The following CNBD1 variants were observed in gnomAD, a reference collection of about 807,000 sequenced individuals.
CNBD1 encodes cyclic nucleotide-binding domain-containing protein 1.
In CNBD1, 71 loss-of-function variants were observed where a neutral mutation model predicts 54.4. The observed-to-expected ratio is 1.30, with a 90% CI of 1.08 to 1.59. The LOEUF is 1.59. Among genes scored for constraint, CNBD1 ranks in the 40% most tolerant of loss-of-function variants. The pLI is 0.00. For synonymous variants in CNBD1, 182 were observed against 170.7 expected (o/e 1.07, Z -0.51); for missense variants, 659 against 518.0 (o/e 1.27, Z -2.64).
chr8:87,387,134 C>A (rs191926509), downstream of CNBD1, among the ~76,000 whole-genome samples: 2 of 152,152 alleles, frequency 1.3e-5, no homozygotes, highest in African/African-American at 4.8e-5. Flanking sequence ...ACAACCGGTA[C>A]CAGCCACTGC....
chr8:87,306,790 G>T (rs1208184975), intron 8 of CNBD1, among the ~76,000 whole-genome samples: 1 of 152,050 alleles, frequency 6.6e-6, no homozygotes, highest in Non-Finnish European at 1.5e-5. Context: ...AGGGATAGAA[G>T]ACTATAAATA....
chr8:86,961,128 C>T (rs1171782351), intron 4 of CNBD1, among the ~76,000 whole-genome samples: 2 of 152,076 alleles, frequency 1.3e-5, no homozygotes, highest in African/African-American at 4.8e-5. Flanking sequence ...TAACATATGA[C>T]AGTAAGTGTA....
At chr8:86,911,089 C>G (rs1230559830) in intron 3 of CNBD1, among the ~76,000 whole-genome samples, 1 of 152,210 alleles carries the variant, frequency 6.6e-6, no homozygotes, top group Non-Finnish European at 1.5e-5. Flanking sequence ...GCCTGCTTTT[C>G]TACTGTACAT....
At chr8:87,126,745 A>G (rs1396791837) in intron 4 of CNBD1, among the ~76,000 whole-genome samples, 3 of 151,922 alleles carry the variant, frequency 2.0e-5, no homozygotes, top group Non-Finnish European at 4.4e-5. Context: ...TCTCCAATGT[A>G]TTATTCTAGA....
intron 4 of CNBD1, among the ~76,000 whole-genome samples, chr8:86,989,150 T>TA (rs1164922547): frequency 6.6e-6 from 1 of 151,946 alleles, no homozygotes; most frequent in African/African-American, 2.4e-5. Context: ...CGTGTGCCTG[T>TA]AGTGCCAACT....
intron 1 of CNBD1, among the ~76,000 whole-genome samples, chr8:86,867,065 T>G (rs1808375795): frequency 1.3e-5 from 2 of 152,224 alleles, no homozygotes; most frequent in South Asian, 2.1e-4. Flanking sequence ...TTATTCCTAT[T>G]TAACTTTTTT....
At chr8:87,422,168 G>T (rs1373169339) in intron 2 of CNBD1, among the ~76,000 whole-genome samples, 2 of 146,392 alleles carry the variant, frequency 1.4e-5, no homozygotes, top group African/African-American at 2.6e-5. Flanking sequence ...GTAGATTCTG[G>T]ATATTAGCCC....
Position 87,042,366 on chromosome 8 carries a change from G to C in CNBD1, c.431+102612G>C, listed in dbSNP as rs182614559. On this transcript the variant is annotated intron_variant, in intron 4 of 10. Coordinates refer to ENST00000518476, the MANE Select transcript of CNBD1 (RefSeq NM_173538.3). ...AGTGTTAAAACCACGGTCTTGAAAA[G>C]AACTGCCTGCAGGTATTCTGTAGTG... Among the ~76,000 whole-genome samples the C allele has an allele frequency of 2.1e-3, 323 of 152,258 alleles. 4 individuals are homozygous for C. The highest frequency in any genetic ancestry group is 7.4e-3 in the African/African-American group (306 of 41,558).
intron 4 of CNBD1, among the ~76,000 whole-genome samples, chr8:86,998,583 A>T (rs1433803789): frequency 6.6e-6 from 1 of 152,146 alleles, no homozygotes; most frequent in Non-Finnish European, 1.5e-5. Flanking sequence ...CACTGTGAAA[A>T]CACCTTGTGT....
chr8:86,986,902 G>T (rs879322499), intron 4 of CNBD1, among the ~76,000 whole-genome samples: 7 of 152,082 alleles, frequency 4.6e-5, no homozygotes, highest in Admixed American at 2.0e-4. Flanking sequence ...TGCTGTTTTG[G>T]TTGCTTTAGC....
intron 2 of CNBD1, among the ~76,000 whole-genome samples, chr8:87,390,185 T>C (rs1478241931): frequency 1.3e-5 from 2 of 152,084 alleles, no homozygotes; most frequent in African/African-American, 4.8e-5. Context: ...GACATAGGCA[T>C]GGGCAAGGAC....
chr8:87,245,847 TTTA>T (rs1459831154), intron 6 of CNBD1, among the ~76,000 whole-genome samples: 2 of 152,048 alleles, frequency 1.3e-5, no homozygotes, highest in Non-Finnish European at 2.9e-5. Context: ...TTATCATTCT[TTTA>T]TTATTATGGA....
intron 5 of CNBD1, among the ~76,000 whole-genome samples, chr8:87,229,790 A>G (rs915687554): frequency 6.6e-6 from 1 of 152,210 alleles, no homozygotes; most frequent in African/African-American, 2.4e-5. Context: ...GAAATTAAAA[A>G]AAAACTTTTA....
chr8:87,131,022 G>A (rs1018029422), intron 4 of CNBD1, among the ~76,000 whole-genome samples: 23 of 151,456 alleles, frequency 1.5e-4, no homozygotes, highest in South Asian at 6.3e-4. Context: ...CTTCTTACCC[G>A]GTTTACATAA....
At chr8:87,379,273 T>A (rs1003022964) in intron 10 of CNBD1, among the ~76,000 whole-genome samples, 1 of 151,860 alleles carries the variant, frequency 6.6e-6, no homozygotes, top group Non-Finnish European at 1.5e-5. Context: ...CTCCCACACA[T>A]TAATAATGGG....
chr8:87,412,856 C>T (rs917595522), intron 2 of CNBD1, among the ~76,000 whole-genome samples: 4 of 151,812 alleles, frequency 2.6e-5, no homozygotes, highest in Admixed American at 1.3e-4. Context: ...TTGTGAGGCT[C>T]TTATATAAGA....
chr8:86,953,489 C>G (rs573985450), intron 4 of CNBD1, among the ~76,000 whole-genome samples: 1 of 152,290 alleles, frequency 6.6e-6, no homozygotes, highest in Admixed American at 6.5e-5. Context: ...CATCAGAACT[C>G]TAGAAATCCC....
intron 8 of CNBD1, among the ~76,000 whole-genome samples, chr8:87,335,123 A>G (rs562059958): frequency 6.6e-6 from 1 of 152,124 alleles, no homozygotes; most frequent in Non-Finnish European, 1.5e-5. Flanking sequence ...TTTACTTCCA[A>G]TTATGTGGTC....
intron 8 of CNBD1, 31 bp from the exon 9 acceptor site, chr8:87,351,654 G>A (rs891530215): frequency 1.4e-6 from 2 of 1,444,286 alleles, no homozygotes; most frequent in East Asian, 2.8e-5. Flanking sequence ...AGACAAGAAT[G>A]TGTGAAATGA....
Sources: allele counts gnomAD v4.1 joint callset (sites outside exome capture counted in the v4.1 genomes callset), GRCh38; gene constraint gnomAD v4.1.1; transcripts MANE v1.5; gene names NCBI Gene and HGNC (gene_info 2026-07-23, HGNC 2026-07-21).